ZBED6: variants seen among roughly 807,000 people sequenced by gnomAD.
ZBED6 encodes zinc finger BED-type containing 6.
In ZBED6, 40 loss-of-function variants were observed where a neutral mutation model predicts 58.4. That is an observed-to-expected ratio of 0.68 (90% CI 0.53 to 0.89). The LOEUF (loss-of-function observed/expected upper bound fraction) is 0.89, where lower values mean the gene tolerates loss of function less well. ZBED6 is among the 40% of genes least tolerant of loss of function. The pLI is 0.00. For synonymous variants in ZBED6, 439 were observed against 350.6 expected (o/e 1.25, Z -2.82); for missense variants, 1,057 against 1,003.9 (o/e 1.05, Z -0.71).
At chr1:203,833,140 C>T (rs879424445) in intron 8 of ZBED6, among the ~76,000 whole-genome samples, 4 of 152,046 alleles carry the variant, frequency 2.6e-5, no homozygotes, top group Admixed American at 6.6e-5. Flanking sequence ...GAGGCCGAGG[C>T]GGGCAGATCA....
intron 1 of ZBED6, among the ~76,000 whole-genome samples, chr1:203,810,666 G>A (rs1001324528): frequency 1.3e-5 from 2 of 152,042 alleles, no homozygotes; most frequent in African/African-American, 2.4e-5. Flanking sequence ...TGATCCACCC[G>A]CCTCGGACTC....
intron 3 of ZBED6, among the ~76,000 whole-genome samples, chr1:203,821,670 C>T (rs941180058): frequency 2.0e-5 from 3 of 152,006 alleles, no homozygotes; most frequent in East Asian, 3.9e-4. Flanking sequence ...CCTAGAGTGT[C>T]ATCACTTTCA....
chr1:203,847,314 T>C, exon 12 of ZBED6: 1 of 1,613,906 alleles, frequency 6.2e-7, no homozygotes, highest in Non-Finnish European at 8.5e-7. Flanking sequence ...CTGATGATTC[T>C]ACTTCAGGAG....
chr1:203,850,420 T>C, intron 14 of ZBED6, 95 bp from the exon 15 acceptor site: 2 of 1,502,772 alleles, frequency 1.3e-6, no homozygotes, highest in Non-Finnish European at 1.9e-6. Context: ...GTGGTATTTC[T>C]AGTACTGAAG....
chr1:203,820,468 A>ATG (rs71145033), intron 3 of ZBED6, among the ~76,000 whole-genome samples: 69 of 150,490 alleles, frequency 4.6e-4, no homozygotes, highest in East Asian at 1.4e-3. Flanking sequence ...ATCACAAATT[A>ATG]TGTGTGTGTG....
intron 11 of ZBED6, among the ~76,000 whole-genome samples, chr1:203,846,687 A>T (rs1024362427): frequency 1.3e-5 from 2 of 152,194 alleles, no homozygotes; most frequent in African/African-American, 4.8e-5. Context: ...ATTTATTGCT[A>T]TTTTTGTTAA....
chr1:203,805,089 A>G (rs1351557052), intron 1 of ZBED6, among the ~76,000 whole-genome samples: 1 of 151,932 alleles, frequency 6.6e-6, no homozygotes, highest in African/African-American at 2.4e-5. Flanking sequence ...TGATTTCAAG[A>G]TGTAGTATTA....
exon 1 of ZBED6, chr1:203,797,732 T>G: frequency 6.5e-7 from 1 of 1,535,080 alleles, no homozygotes; most frequent in African/African-American, 1.4e-5. Flanking sequence ...GTTTGCGAAT[T>G]AAGGGGAAAA....
exon 1 of ZBED6, chr1:203,798,359 C>T (rs746635288): frequency 3.3e-5 from 50 of 1,535,056 alleles, no homozygotes; most frequent in Non-Finnish European, 4.1e-5. Flanking sequence ...ATCCTCAGCA[C>T]ATCTCAAGAG....
chr1:203,806,573 G>A (rs1248523382), intron 1 of ZBED6, among the ~76,000 whole-genome samples: 1 of 152,178 alleles, frequency 6.6e-6, no homozygotes, highest in African/African-American at 2.4e-5. Flanking sequence ...AAAGTGCTGG[G>A]ATTATAGGCA....
intron 3 of ZBED6, among the ~76,000 whole-genome samples, chr1:203,820,195 A>G (rs1678049754): frequency 1.3e-5 from 2 of 148,682 alleles, no homozygotes; most frequent in South Asian, 4.3e-4. Context: ...AGATTGCGCC[A>G]CTCCATTCTG....
chr1:203,803,839 T>C (rs1162249240), intron 1 of ZBED6, among the ~76,000 whole-genome samples: 4 of 152,122 alleles, frequency 2.6e-5, no homozygotes, highest in African/African-American at 9.7e-5. Flanking sequence ...ACTCCTGGGT[T>C]CAAGCAGTCT....
At chr1:203,805,215 C>T (rs1195753770) in intron 1 of ZBED6, among the ~76,000 whole-genome samples, 1 of 150,158 alleles carries the variant, frequency 6.7e-6, no homozygotes, top group Non-Finnish European at 1.5e-5. Flanking sequence ...GCTCACTGGA[C>T]CTCCGCCTCC....
At chr1:203,805,601 T>A (rs374791970) in intron 1 of ZBED6, 23 of 636,944 alleles carry the variant, frequency 3.6e-5, no homozygotes, top group East Asian at 3.3e-4. Context: ...TTTTACATGA[T>A]GTACTTAAAT....
chr1:203,822,403 C>T (rs1679076559), intron 3 of ZBED6, among the ~76,000 whole-genome samples: 1 of 151,940 alleles, frequency 6.6e-6, no homozygotes, highest in African/African-American at 2.4e-5. Context: ...TCTCACCCTG[C>T]TTGGACCCCA....
intron 1 of ZBED6, among the ~76,000 whole-genome samples, chr1:203,814,004 A>G (rs1260672252): frequency 6.6e-6 from 1 of 150,944 alleles, no homozygotes; most frequent in Non-Finnish European, 1.5e-5. Flanking sequence ...TAGAGTGAGA[A>G]TTTTCTAAAT....
intron 11 of ZBED6, among the ~76,000 whole-genome samples, chr1:203,845,801 T>C (rs1239766494): frequency 6.6e-6 from 1 of 151,990 alleles, no homozygotes; most frequent in African/African-American, 2.4e-5. Flanking sequence ...GAGATGTAGG[T>C]TGCGGTGAGT....
intron 16 of ZBED6, 100 bp from the exon 17 acceptor site, chr1:203,852,041 T>C (rs1320184397): frequency 7.4e-7 from 1 of 1,346,208 alleles, no homozygotes; most frequent in Non-Finnish European, 1.0e-6. Flanking sequence ...ATGTATGTTC[T>C]TAAAAACAAA....
At position 203,800,091 on chromosome 1, in the gene ZBED6, AG is replaced by A; in HGVS notation, c.2570del (p.Ser857ThrfsTer8). On this transcript the variant is annotated frameshift_variant, in exon 1 of 17. Transcript: ENST00000550078. LOFTEE classifies it high-confidence loss of function. ...AGACAATGTTGCCCTTGGAAGCAAA[AG>A]CTTCATGTTCCCTTCTGCTGTAGCA... The A allele has an allele frequency of 6.5e-7, 1 of 1,536,088 alleles. No homozygotes were observed. Among genetic ancestry groups the A allele is most frequent in the East Asian group, 2.4e-5 (1 of 40,924 alleles).
Sources: gnomAD v4.1 joint callset for allele counts (sites outside exome capture counted in the v4.1 genomes callset) on GRCh38, gnomAD v4.1.1 for gene constraint, MANE v1.5 for transcripts, NCBI Gene and HGNC (gene_info 2026-07-23, HGNC 2026-07-21) for gene names.